PTPRD: variants seen among roughly 807,000 people sequenced by gnomAD.
PTPRD encodes receptor-type tyrosine-protein phosphatase delta.
In PTPRD, 34 loss-of-function variants were observed where a neutral mutation model predicts 214.5. The observed-to-expected ratio is 0.16, with a 90% CI of 0.12 to 0.21. The LOEUF (loss-of-function observed/expected upper bound fraction) is 0.21, where lower values mean the gene tolerates loss of function less well. Ranked by LOEUF, PTPRD falls within the 10% of genes least tolerant of loss-of-function variation. PTPRD has a pLI of 1.00. For synonymous variants in PTPRD, 1,128 were observed against 845.7 expected (o/e 1.33, Z -5.79); for missense variants, 2,545 against 2,398.7 (o/e 1.06, Z -1.27).
Position 8,557,805 on chromosome 9 carries a change from CACAT to C in PTPRD, c.353-29030_353-29027del, listed in dbSNP as rs200126719. The stretch of plus-strand genomic sequence containing the variant: ...ACACACACACACACACACACACACA[CACAT>C]ATATACACACACACATATGCATATA... On this transcript the variant is annotated intron_variant, in intron 14 of 45. Coordinates refer to ENST00000381196, the MANE Select transcript of PTPRD (RefSeq NM_002839.4). 9.0e-4 allele frequency among the ~76,000 whole-genome samples: 124 copies of C among 138,360 alleles called. 1 individual carries two copies. The highest frequency in any genetic ancestry group is 3.4e-3 in the African/African-American group (121 of 35,760). 90.8% of individuals were successfully genotyped at this position (138,360 alleles called of 152,430 possible).
At chr9:8,532,678 A>G (rs780991540) in intron 14 of PTPRD, among the ~76,000 whole-genome samples, 1 of 152,072 alleles carries the variant, frequency 6.6e-6, no homozygotes, top group African/African-American at 2.4e-5. Flanking sequence ...CTACTAATTC[A>G]TCAACCATTT....
At chr9:9,156,730 G>C (rs529113936) in intron 10 of PTPRD, among the ~76,000 whole-genome samples, 8 of 143,346 alleles carry the variant, frequency 5.6e-5, no homozygotes, top group Non-Finnish European at 1.1e-4. Flanking sequence ...CCATCTTAGG[G>C]TTCTACCTTG....
chr9:8,620,237 C>CATT (rs976070287), intron 14 of PTPRD, among the ~76,000 whole-genome samples: 8 of 151,994 alleles, frequency 5.3e-5, no homozygotes, highest in Admixed American at 2.0e-4. Flanking sequence ...GGTTCTGTAT[C>CATT]ATTTGCTCAT....
intron 5 of PTPRD, among the ~76,000 whole-genome samples, chr9:9,789,434 T>A (rs1030729591): frequency 6.6e-6 from 1 of 152,142 alleles, no homozygotes; most frequent in African/African-American, 2.4e-5. Context: ...TTCTGCACTA[T>A]TTTTCCCTGT....
intron 3 of PTPRD, among the ~76,000 whole-genome samples, chr9:10,294,490 T>C (rs952474516): frequency 6.7e-6 from 1 of 148,664 alleles, no homozygotes; most frequent in African/African-American, 2.6e-5. Context: ...GCCTTATTTT[T>C]TTCCCAGAAA....
chr9:8,843,628 G>T (rs72704318), intron 11 of PTPRD, among the ~76,000 whole-genome samples: 22,963 of 152,056 alleles, frequency 0.15, 2,037 homozygotes, highest in East Asian at 0.31. Context: ...AAAGGACAAT[G>T]GGTTTCTTAA....
chr9:8,357,118 CAA>C (rs931649843), intron 39 of PTPRD, among the ~76,000 whole-genome samples: 1 of 152,156 alleles, frequency 6.6e-6, no homozygotes, highest in Non-Finnish European at 1.5e-5. Flanking sequence ...CCATAACTGA[CAA>C]AGTCATGAGG....
rs775600962 is a variant in PTPRD at position 8,518,208 on chromosome 9, C to T, written c.1183G>A (p.Ala395Thr). The T allele has an allele frequency of 6.2e-7, 1 of 1,614,166 alleles. No homozygotes were observed. The highest frequency in any genetic ancestry group is 1.1e-5 in the South Asian group (1 of 91,080). ...PYSDYEFRVV[A>T]VNNIGRGPPS... Reference sequence around the variant, plus strand: ...GGCCCCCGCCCAATGTTATTGACAGCAACAACCCTGAATTCATAATCCGAG... The same window carrying T: ...GGCCCCCGCCCAATGTTATTGACAGTAACAACCCTGAATTCATAATCCGAG... Residue 395 changes from alanine to threonine, a missense_variant, in exon 21 of 46, where the codon GCT (alanine) becomes ACT (threonine). Transcript: ENST00000381196.
At chr9:8,762,178 T>C (rs923992479) in intron 11 of PTPRD, among the ~76,000 whole-genome samples, 5 of 152,194 alleles carry the variant, frequency 3.3e-5, no homozygotes, top group Admixed American at 2.0e-4. Flanking sequence ...ATTAGTATAA[T>C]TCTCAATAAT....
chr9:9,947,808 G>T (rs1045271026), intron 4 of PTPRD, among the ~76,000 whole-genome samples: 1 of 148,528 alleles, frequency 6.7e-6, no homozygotes, highest in African/African-American at 2.5e-5. Context: ...AATCCATAAA[G>T]AGATTCAAGT....
At chr9:8,676,314 A>G (rs754376094) in intron 12 of PTPRD, among the ~76,000 whole-genome samples, 5 of 151,010 alleles carry the variant, frequency 3.3e-5, no homozygotes, top group Non-Finnish European at 5.9e-5. Context: ...CTTACCCTCC[A>G]TTATAGTAGC....
intron 3 of PTPRD, among the ~76,000 whole-genome samples, chr9:10,254,348 A>T (rs925965176): frequency 4.6e-5 from 7 of 152,212 alleles, no homozygotes; most frequent in African/African-American, 1.7e-4. Context: ...CCTGGTAATA[A>T]ACAATATGAA....
At chr9:10,195,234 G>T (rs765024608) in intron 3 of PTPRD, among the ~76,000 whole-genome samples, 1 of 151,602 alleles carries the variant, frequency 6.6e-6, no homozygotes, top group Non-Finnish European at 1.5e-5. Flanking sequence ...ACAATGCCAG[G>T]CATGAGCCTT....
At chr9:10,542,065 A>T (rs539890491) in intron 2 of PTPRD, among the ~76,000 whole-genome samples, 13 of 152,162 alleles carry the variant, frequency 8.5e-5, no homozygotes, top group Non-Finnish European at 1.0e-4. Context: ...TGAGAAATAA[A>T]GTCTTAAAAT....
At chr9:10,516,552 G>T (rs2050179461) in intron 2 of PTPRD, among the ~76,000 whole-genome samples, 1 of 151,806 alleles carries the variant, frequency 6.6e-6, no homozygotes, top group African/African-American at 2.4e-5. Flanking sequence ...TGCTCTCTTT[G>T]CTGTGTAAAA....
intron 2 of PTPRD, among the ~76,000 whole-genome samples, chr9:10,447,698 T>G (rs943062735): frequency 6.6e-5 from 10 of 152,008 alleles, no homozygotes; most frequent in African/African-American, 2.2e-4. Flanking sequence ...TCCATCACAG[T>G]GAAGTACATG....
rs1035975569 is a variant in PTPRD at position 9,474,497 on chromosome 9, T to C, written c.-236-77015A>G. On this transcript the variant is annotated intron_variant, in intron 8 of 45. Coordinates refer to ENST00000381196, the MANE Select transcript of PTPRD (RefSeq NM_002839.4). ...GTGAAGAATTCCATTGGTGTTTTGA[T>C]AGGGATTGTATTAAATCTATAGATT... is the stretch of plus-strand genomic sequence containing the variant. Among the ~76,000 whole-genome samples, 4 of 152,114 alleles carry C rather than the reference T, an allele frequency of 2.6e-5. No homozygotes were observed. The South Asian group carries it at 6.2e-4, about 24-fold the overall frequency.
chr9:9,874,377 G>A (rs576342542), intron 5 of PTPRD, among the ~76,000 whole-genome samples: 2 of 152,208 alleles, frequency 1.3e-5, no homozygotes, highest in South Asian at 2.1e-4. Flanking sequence ...TACATTACAT[G>A]AGTGATGTTA....
At chr9:9,229,462 T>C (rs74981244) in intron 9 of PTPRD, among the ~76,000 whole-genome samples, 10,170 of 152,158 alleles carry the variant, frequency 0.067, 390 homozygotes, top group African/African-American at 0.092. Flanking sequence ...TAATCCTTCA[T>C]TGCGCCCTTA....
Sources: gnomAD v4.1 joint callset for allele counts (sites outside exome capture counted in the v4.1 genomes callset) on GRCh38, gnomAD v4.1.1 for gene constraint, MANE v1.5 for transcripts, NCBI Gene and HGNC (gene_info 2026-07-23, HGNC 2026-07-21) for gene names.